The following ROR1 variants were observed in gnomAD, a reference collection of about 807,000 sequenced individuals.
ROR1 encodes the protein inactive tyrosine-protein kinase transmembrane receptor ROR1.
Under a neutral mutation model 78.8 loss-of-function variants are expected in ROR1, and 19 were observed. That is an observed-to-expected ratio of 0.24 (90% CI 0.17 to 0.35). The LOEUF is 0.35. ROR1 is among the 10% of genes least tolerant of loss of function. The probability of loss-of-function intolerance (pLI) is 1.00; values close to 1 mark genes in which losing one functional copy is unlikely to be tolerated. For synonymous variants in ROR1, 386 were observed against 433.6 expected (o/e 0.89, Z 1.36); for missense variants, 917 against 1,177.8 (o/e 0.78, Z 3.24).
intron 1 of ROR1, among the ~76,000 whole-genome samples, chr1:63,923,960 T>A (rs1645678347): frequency 6.6e-6 from 1 of 152,060 alleles, no homozygotes; most frequent in Non-Finnish European, 1.5e-5. Flanking sequence ...TTGCCTGGAA[T>A]GCTATTCTCC....
intron 1 of ROR1, among the ~76,000 whole-genome samples, chr1:63,926,947 G>A (rs1239048317): frequency 4.3e-3 from 218 of 50,258 alleles, no homozygotes; most frequent in African/African-American, 1.0e-2. Context: ...CAATCATGTC[G>A]TCTGCAAACA....
At chr1:63,979,263 G>A (rs559881728) in intron 1 of ROR1, among the ~76,000 whole-genome samples, 4 of 152,254 alleles carry the variant, frequency 2.6e-5, no homozygotes, top group Admixed American at 6.5e-5. Flanking sequence ...TGACTCGGGG[G>A]TACTGTATCA....
intron 4 of ROR1, among the ~76,000 whole-genome samples, chr1:64,129,049 T>G (rs1341268394): frequency 6.6e-6 from 1 of 152,232 alleles, no homozygotes; most frequent in Non-Finnish European, 1.5e-5. Context: ...ATCTCTGTAT[T>G]GCCTTTGGGT....
At chr1:64,127,319 C>G (rs1157603058) in intron 4 of ROR1, among the ~76,000 whole-genome samples, 2 of 152,116 alleles carry the variant, frequency 1.3e-5, no homozygotes, top group Non-Finnish European at 1.5e-5. Flanking sequence ...ATCTCTGGAC[C>G]TAATTCTTCA....
intron 1 of ROR1, among the ~76,000 whole-genome samples, chr1:63,901,180 G>A (rs1427432056): frequency 1.3e-5 from 2 of 152,126 alleles, no homozygotes; most frequent in Non-Finnish European, 2.9e-5. Context: ...AGACTGACAT[G>A]GTGCATGAGA....
rs543681118 is a variant in ROR1 at position 63,817,587 on chromosome 1, A to G, written c.91+43079A>G. On this transcript the variant is annotated intron_variant, in intron 1 of 8. Coordinates refer to ENST00000371079, the MANE Select transcript of ROR1 (RefSeq NM_005012.4). ...ATCATTAGCATGCTCTGGTACATAG[A>G]TTAAAGCACGATTGTCTTTAATAAG... 1.4e-4 allele frequency among the ~76,000 whole-genome samples: 22 copies of G among 152,294 alleles called. No homozygotes were observed. In the East Asian group the frequency reaches 4.1e-3, roughly 28 times the overall value.
intron 2 of ROR1, among the ~76,000 whole-genome samples, chr1:64,028,570 G>C (rs1312502384): frequency 1.3e-5 from 2 of 152,024 alleles, no homozygotes; most frequent in African/African-American, 4.8e-5. Context: ...TTAGATTTTT[G>C]TTCTTGGCAT....
intron 1 of ROR1, among the ~76,000 whole-genome samples, chr1:63,846,162 G>A (rs1362245192): frequency 3.4e-5 from 4 of 119,172 alleles, no homozygotes; most frequent in Non-Finnish European, 7.2e-5. Context: ...GTGTGTGTGT[G>A]TGTGTGTGTT....
At chr1:63,798,900 C>T (rs147914458) in intron 1 of ROR1, among the ~76,000 whole-genome samples, 3 of 152,216 alleles carry the variant, frequency 2.0e-5, no homozygotes, top group Non-Finnish European at 4.4e-5. Flanking sequence ...GTGTGAGATG[C>T]ATTATAAACT....
chr1:64,178,894 T>A lies in ROR1; in HGVS notation c.*39T>A. 1 of 1,421,428 alleles carries A rather than the reference T, an allele frequency of 7.0e-7. No homozygotes were observed. Among genetic ancestry groups the A allele is most frequent in the Non-Finnish European group, 9.7e-7 (1 of 1,033,988 alleles). 88.1% of individuals were successfully genotyped at this position (1,421,428 alleles called of 1,614,324 possible). On this transcript the variant is annotated 3_prime_UTR_variant, in exon 9 of 9. Coordinates refer to ENST00000371079, the MANE Select transcript of ROR1 (RefSeq NM_005012.4). The surrounding 1 kb of genome is among the most constrained non-coding windows in gnomAD (Gnocchi z 4.3). ...TGTAAATGTGGTATACAGGACAAAC[T>A]AGACGGCCGTAGAAAAGATTTATAT...
At chr1:63,836,641 C>T (rs1005170254) in intron 1 of ROR1, among the ~76,000 whole-genome samples, 1 of 152,196 alleles carries the variant, frequency 6.6e-6, no homozygotes, top group Non-Finnish European at 1.5e-5. Context: ...AGAAATTCTG[C>T]ACTTGGCACT....
chr1:64,147,977 A>C (rs1316744395), intron 7 of ROR1, among the ~76,000 whole-genome samples: 2 of 152,220 alleles, frequency 1.3e-5, no homozygotes, highest in Non-Finnish European at 2.9e-5. Flanking sequence ...TGCAGTACCC[A>C]GAACAGCCCA....
chr1:64,041,177 G>T (rs1646742913), intron 2 of ROR1, among the ~76,000 whole-genome samples: 1 of 152,114 alleles, frequency 6.6e-6, no homozygotes, highest in African/African-American at 2.4e-5. Flanking sequence ...TTAAAATGGG[G>T]CTGGAAAATC....
chr1:63,881,078 A>T (rs1217317191), intron 1 of ROR1, among the ~76,000 whole-genome samples: 1 of 152,206 alleles, frequency 6.6e-6, no homozygotes, highest in Non-Finnish European at 1.5e-5. Flanking sequence ...AGATAGGTAA[A>T]GAATGGCTAA....
intron 7 of ROR1, among the ~76,000 whole-genome samples, chr1:64,154,121 A>G (rs1217924771): frequency 6.6e-6 from 1 of 152,174 alleles, no homozygotes; most frequent in Non-Finnish European, 1.5e-5. Flanking sequence ...TATATGGCCT[A>G]TTCAGCATTT....
At chr1:63,946,302 G>A (rs1425608682) in intron 1 of ROR1, among the ~76,000 whole-genome samples, 1 of 152,150 alleles carries the variant, frequency 6.6e-6, no homozygotes, top group African/African-American at 2.4e-5. Flanking sequence ...ATTTGGGCAG[G>A]AAGAGAACAT....
At chr1:63,849,859 G>A (rs774416883) in intron 1 of ROR1, among the ~76,000 whole-genome samples, 10 of 152,108 alleles carry the variant, frequency 6.6e-5, no homozygotes, top group Non-Finnish European at 1.3e-4. Context: ...CAGAAAAGCA[G>A]ACAAAAGTGA....
chr1:63,990,069 G>A (rs964840366), intron 1 of ROR1, among the ~76,000 whole-genome samples: 14 of 152,108 alleles, frequency 9.2e-5, no homozygotes, highest in East Asian at 7.7e-4. Flanking sequence ...ACCTGTTCCC[G>A]TGTACCTTCC....
At chr1:63,865,420 T>G (rs1645209270) in intron 1 of ROR1, among the ~76,000 whole-genome samples, 2 of 152,240 alleles carry the variant, frequency 1.3e-5, no homozygotes, top group African/African-American at 4.8e-5. Context: ...CCTTATATAC[T>G]GCAACAAACT....
Sources: allele counts gnomAD v4.1 joint callset (sites outside exome capture counted in the v4.1 genomes callset), GRCh38; gene constraint gnomAD v4.1.1; non-coding constraint Gnocchi (gnomAD v3.1); transcripts MANE v1.5; gene names NCBI Gene and HGNC (gene_info 2026-07-23, HGNC 2026-07-21).